Variants in SUCLG2 observed in about 807,000 individuals in gnomAD.
The protein encoded by SUCLG2 is succinate--CoA ligase [GDP-forming] subunit beta, mitochondrial.
In SUCLG2, 42 loss-of-function variants were observed where a neutral mutation model predicts 47.9. The ratio of observed to expected loss-of-function variants is 0.88; its 90% CI spans 0.69 to 1.14. SUCLG2 has a LOEUF of 1.14. Ranked by LOEUF, SUCLG2 falls within the 50% of genes most tolerant of loss-of-function variation. The probability of loss-of-function intolerance (pLI) is 0.00; values close to 1 mark genes in which losing one functional copy is unlikely to be tolerated. For synonymous variants in SUCLG2, 195 were observed against 197.3 expected (o/e 0.99, Z 0.10); for missense variants, 571 against 525.9 (o/e 1.09, Z -0.84).
chr3:67,575,753 T>C (rs1190302265), intron 2 of SUCLG2, among the ~76,000 whole-genome samples: 1 of 152,228 alleles, frequency 6.6e-6, no homozygotes, highest in Non-Finnish European at 1.5e-5. Flanking sequence ...CTATGAGAAT[T>C]ATCCTGGTAG....
chr3:67,533,685 C>T (rs1241919284), intron 2 of SUCLG2, among the ~76,000 whole-genome samples: 1 of 152,096 alleles, frequency 6.6e-6, no homozygotes, highest in Non-Finnish European at 1.5e-5. Flanking sequence ...AGGAAATGAG[C>T]TCACTTCTAT....
At chr3:67,448,086 C>T (rs531002258) in intron 9 of SUCLG2, among the ~76,000 whole-genome samples, 1 of 151,978 alleles carries the variant, frequency 6.6e-6, no homozygotes, top group South Asian at 2.1e-4. Flanking sequence ...TTGCTTTAGC[C>T]GTTTTACTTC....
intron 2 of SUCLG2, among the ~76,000 whole-genome samples, chr3:67,534,351 C>T (rs2634730): frequency 0.12 from 18,724 of 151,812 alleles, 1,857 homozygotes; most frequent in African/African-American, 0.26. Flanking sequence ...ATGCTTTCGA[C>T]GGAATAATTT....
chr3:67,428,838 A>G (rs1373125418), intron 9 of SUCLG2, among the ~76,000 whole-genome samples: 1 of 152,220 alleles, frequency 6.6e-6, no homozygotes, highest in African/African-American at 2.4e-5. Flanking sequence ...ATCAAGTGGA[A>G]GAAAGGATAT....
intron 9 of SUCLG2, among the ~76,000 whole-genome samples, chr3:67,419,898 C>G (rs145541236): frequency 3.9e-5 from 6 of 152,266 alleles, no homozygotes; most frequent in Non-Finnish European, 7.3e-5. Flanking sequence ...AATCATTTCA[C>G]AGAGGCATGT....
intron 2 of SUCLG2, among the ~76,000 whole-genome samples, chr3:67,538,289 G>A (rs1215534470): frequency 1.3e-5 from 2 of 152,130 alleles, no homozygotes; most frequent in Non-Finnish European, 2.9e-5. Flanking sequence ...TCTGCATATG[G>A]CTTACCAATT....
chr3:67,458,882 C>CT (rs1236604464), intron 9 of SUCLG2, among the ~76,000 whole-genome samples: 3 of 152,330 alleles, frequency 2.0e-5, no homozygotes, highest in Admixed American at 6.5e-5. Context: ...ATTACCATCT[C>CT]TTTTTCAGTC....
intron 1 of SUCLG2, among the ~76,000 whole-genome samples, chr3:67,619,755 T>C (rs1159650379): frequency 1.3e-5 from 2 of 152,184 alleles, no homozygotes; most frequent in Admixed American, 6.5e-5. Context: ...AAAGGAGAGT[T>C]TGCTGCATAA....
chr3:67,580,258 T>G (rs978185094), intron 2 of SUCLG2, among the ~76,000 whole-genome samples: 1 of 152,178 alleles, frequency 6.6e-6, no homozygotes, highest in Non-Finnish European at 1.5e-5. Context: ...ATGATATATA[T>G]ATTTCATTCA....
chr3:67,513,080 G>C (rs765794271), intron 6 of SUCLG2, among the ~76,000 whole-genome samples: 1 of 149,070 alleles, frequency 6.7e-6, no homozygotes, highest in Non-Finnish European at 1.5e-5. Context: ...ACATACACTA[G>C]ATACCTGTGG....
chr3:67,648,019 C>T (rs369412566), intron 1 of SUCLG2, among the ~76,000 whole-genome samples: 1 of 152,216 alleles, frequency 6.6e-6, no homozygotes, highest in East Asian at 1.9e-4. Context: ...GCGAATTTAG[C>T]TTCAAATTCA....
chr3:67,386,049 T>G, intron 10 of SUCLG2, among the ~76,000 whole-genome samples: 1 of 152,178 alleles, frequency 6.6e-6, no homozygotes, highest in Non-Finnish European at 1.5e-5. Flanking sequence ...CTGTGGACCA[T>G]ACTCTGAGAA....
At chr3:67,490,054 C>A (rs944912688) in intron 9 of SUCLG2, among the ~76,000 whole-genome samples, 1 of 152,168 alleles carries the variant, frequency 6.6e-6, no homozygotes, top group Non-Finnish European at 1.5e-5. Context: ...CTATAAAAGT[C>A]TTCCCTTCAC....
chr3:67,416,831 T>G (rs1392110729), intron 9 of SUCLG2, among the ~76,000 whole-genome samples: 1 of 152,204 alleles, frequency 6.6e-6, no homozygotes, highest in Non-Finnish European at 1.5e-5. Context: ...TGAAAATTAT[T>G]AAAATATCTG....
At chr3:67,487,165 C>T (rs1705075457) in intron 9 of SUCLG2, among the ~76,000 whole-genome samples, 1 of 151,722 alleles carries the variant, frequency 6.6e-6, no homozygotes, top group Non-Finnish European at 1.5e-5. Context: ...TTGCTTTAAA[C>T]AGACCAGGAG....
At chr3:67,498,679 G>C (rs1034580413) in intron 7 of SUCLG2, among the ~76,000 whole-genome samples, 1 of 152,194 alleles carries the variant, frequency 6.6e-6, no homozygotes, top group Middle Eastern at 3.4e-3. Flanking sequence ...TATGTAAAGA[G>C]AGACTAGACA....
chr3:67,649,968 C>T (rs1472929530), intron 1 of SUCLG2, among the ~76,000 whole-genome samples: 1 of 152,176 alleles, frequency 6.6e-6, no homozygotes, highest in South Asian at 2.1e-4. Flanking sequence ...TGGGTCTGTG[C>T]ACTCAATCAC....
intron 1 of SUCLG2, among the ~76,000 whole-genome samples, chr3:67,638,821 A>T (rs572229461): frequency 6.6e-6 from 1 of 152,190 alleles, no homozygotes; most frequent in Non-Finnish European, 1.5e-5. Flanking sequence ...TAAACTATTC[A>T]GCAGCTTAGC....
At chr3:67,398,540 T>C (rs1702605570) in intron 10 of SUCLG2, among the ~76,000 whole-genome samples, 1 of 151,790 alleles carries the variant, frequency 6.6e-6, no homozygotes, top group South Asian at 2.1e-4. Context: ...GGAGAGGATG[T>C]GGAGAAATAG....
Sources: gnomAD v4.1 joint callset for allele counts (sites outside exome capture counted in the v4.1 genomes callset) on GRCh38, gnomAD v4.1.1 for gene constraint, MANE v1.5 for transcripts, NCBI Gene and HGNC (gene_info 2026-07-23, HGNC 2026-07-21) for gene names.